The following IQCM variants were observed in gnomAD, a reference collection of about 807,000 sequenced individuals.
The protein encoded by IQCM is IQ domain-containing protein M.
Under a neutral mutation model 57.6 loss-of-function variants are expected in IQCM, and 45 were observed. The observed-to-expected ratio is 0.78, with a 90% CI of 0.62 to 1.00. The LOEUF is 1.00. IQCM is among the 50% of genes least tolerant of loss of function. The probability of loss-of-function intolerance (pLI) is 0.00; values close to 1 mark genes in which losing one functional copy is unlikely to be tolerated. For missense variants in IQCM, 468 were observed against 511.6 expected, an observed-to-expected ratio of 0.91 and a Z score of 0.82; for synonymous variants, 148 against 158.9, an observed-to-expected ratio of 0.93 and a Z score of 0.51.
chr4:149,766,189 G>A (rs1770037828), intron 2 of IQCM, among the ~76,000 whole-genome samples: 1 of 151,998 alleles, frequency 6.6e-6, no homozygotes, highest in Non-Finnish European at 1.5e-5. Context: ...GTCAAATTAT[G>A]CCCCATCTAC....
chr4:149,630,562 T>G (rs938974032), intron 7 of IQCM, among the ~76,000 whole-genome samples: 9 of 152,200 alleles, frequency 5.9e-5, no homozygotes, highest in African/African-American at 1.7e-4. Context: ...TCACATAATT[T>G]GATTTTTAAA....
At chr4:149,467,585 G>C (rs1738993334) in intron 12 of IQCM, among the ~76,000 whole-genome samples, 1 of 152,160 alleles carries the variant, frequency 6.6e-6, no homozygotes, top group Non-Finnish European at 1.5e-5. Flanking sequence ...TCTTTTAAAA[G>C]GTAAGGGCAA....
chr4:149,768,298 C>T (rs1251142134), intron 2 of IQCM, among the ~76,000 whole-genome samples: 1 of 152,060 alleles, frequency 6.6e-6, no homozygotes, highest in Non-Finnish European at 1.5e-5. Flanking sequence ...TATAACTTTG[C>T]CCACATCACA....
intron 12 of IQCM, among the ~76,000 whole-genome samples, chr4:149,499,014 A>C (rs1742964461): frequency 6.6e-6 from 1 of 152,238 alleles, no homozygotes; most frequent in Admixed American, 6.5e-5. Flanking sequence ...TTCTCCACCA[A>C]GTTCAAATTG....
intron 12 of IQCM, among the ~76,000 whole-genome samples, chr4:149,451,275 C>T (rs1737091878): frequency 6.6e-6 from 1 of 151,678 alleles, no homozygotes; most frequent in Admixed American, 6.6e-5. Flanking sequence ...TTTGACAGCA[C>T]AACAGGGTGA....
At chr4:149,714,106 G>A (rs771622910) in intron 5 of IQCM, among the ~76,000 whole-genome samples, 2 of 152,110 alleles carry the variant, frequency 1.3e-5, no homozygotes, top group African/African-American at 2.4e-5. Flanking sequence ...GACCTCCACA[G>A]TGCTAACCCC....
At chr4:149,601,115 G>A (rs1754240622) in intron 8 of IQCM, among the ~76,000 whole-genome samples, 1 of 152,102 alleles carries the variant, frequency 6.6e-6, no homozygotes, top group Non-Finnish European at 1.5e-5. Context: ...ATAATTTATG[G>A]AGAATCTTTT....
At chr4:149,468,862 AG>A (rs1739175043) in intron 12 of IQCM, among the ~76,000 whole-genome samples, 1 of 152,182 alleles carries the variant, frequency 6.6e-6, no homozygotes, top group Non-Finnish European at 1.5e-5. Context: ...CCAGGCAAAC[AG>A]GGTCGGAGTT....
intron 13 of IQCM, among the ~76,000 whole-genome samples, chr4:149,388,911 T>C (rs1383472320): frequency 6.6e-6 from 1 of 151,210 alleles, no homozygotes. Flanking sequence ...CTTGCAGATA[T>C]TTTTTCTCCC....
chr4:149,788,618 A>G (rs1232541183), intron 2 of IQCM, among the ~76,000 whole-genome samples: 1 of 152,234 alleles, frequency 6.6e-6, no homozygotes, highest in Non-Finnish European at 1.5e-5. Context: ...TAGAACTATC[A>G]TACAATCCAG....
intron 5 of IQCM, 71 bp from the exon 6 acceptor site, chr4:149,686,539 T>C (rs990247175): frequency 2.1e-5 from 11 of 536,154 alleles, no homozygotes; most frequent in Non-Finnish European, 3.1e-5. Context: ...TCAAATTCAA[T>C]TGCAAATCAC....
chr4:149,481,881 T>C (rs1740936107), intron 12 of IQCM, among the ~76,000 whole-genome samples: 1 of 150,356 alleles, frequency 6.7e-6, no homozygotes, highest in South Asian at 2.1e-4. Context: ...ATTTTAAAAA[T>C]AGTGATTCTT....
chr4:149,498,205 G>A (rs1014427926), intron 12 of IQCM, among the ~76,000 whole-genome samples: 1 of 152,114 alleles, frequency 6.6e-6, no homozygotes, highest in African/African-American at 2.4e-5. Flanking sequence ...AGAAAAGGGA[G>A]AAGTATGCTC....
intron 8 of IQCM, among the ~76,000 whole-genome samples, chr4:149,617,738 A>G (rs1384628084): frequency 6.6e-6 from 1 of 152,206 alleles, no homozygotes; most frequent in Admixed American, 6.5e-5. Context: ...AACCAAATCA[A>G]TAACTCAATC....
At chr4:149,567,343 T>TTTATTATTATTA (rs1750728023) in intron 9 of IQCM, among the ~76,000 whole-genome samples, 1 of 152,138 alleles carries the variant, frequency 6.6e-6, no homozygotes, top group Middle Eastern at 3.4e-3. Flanking sequence ...CAAATTTTAT[T>TTTATTATTATTA]TTATTATTAT....
At chr4:149,429,367 T>G (rs1241554816) in intron 13 of IQCM, among the ~76,000 whole-genome samples, 1 of 151,914 alleles carries the variant, frequency 6.6e-6, no homozygotes, top group Non-Finnish European at 1.5e-5. Flanking sequence ...TTTTACTTGG[T>G]CTAAGATTAT....
intron 13 of IQCM, among the ~76,000 whole-genome samples, chr4:149,405,273 G>A (rs901163107): frequency 6.6e-6 from 1 of 152,052 alleles, no homozygotes; most frequent in East Asian, 1.9e-4. Flanking sequence ...GAACTTCCTA[G>A]GTCCTCATTC....
chr4:149,393,452 T>A (rs1256803200), intron 13 of IQCM, among the ~76,000 whole-genome samples: 11 of 151,734 alleles, frequency 7.2e-5, no homozygotes, highest in South Asian at 2.1e-4. Flanking sequence ...AGCATTTTTT[T>A]AAAAAGAATA....
intron 7 of IQCM, among the ~76,000 whole-genome samples, chr4:149,668,927 C>G (rs1465439286): frequency 6.6e-6 from 1 of 152,110 alleles, no homozygotes; most frequent in African/African-American, 2.4e-5. Flanking sequence ...AGATAGAGAG[C>G]AAGTACCTAA....
Sources: allele counts gnomAD v4.1 joint callset (sites outside exome capture counted in the v4.1 genomes callset), GRCh38; gene constraint gnomAD v4.1.1; transcripts MANE v1.5; gene names NCBI Gene and HGNC (gene_info 2026-07-23, HGNC 2026-07-21).